EPB41: variants seen among roughly 807,000 people sequenced by gnomAD.
EPB41 encodes the protein erythrocyte membrane protein band 4.1.
In EPB41, 65 loss-of-function variants were observed where a neutral mutation model predicts 108.0. That is an observed-to-expected ratio of 0.60 (90% CI 0.49 to 0.74). EPB41 has a LOEUF of 0.74. Ranked by LOEUF, EPB41 falls within the 30% of genes least tolerant of loss-of-function variation. EPB41 has a pLI of 0.00. For missense variants in EPB41, 875 were observed against 1,037.0 expected (o/e 0.84, Z 2.15); for synonymous variants, 336 against 358.9 (o/e 0.94, Z 0.72).
intron 11 of EPB41, among the ~76,000 whole-genome samples, chr1:29,048,506 C>T (rs1213037841): frequency 2.6e-5 from 4 of 152,218 alleles, no homozygotes; most frequent in South Asian, 2.1e-4. Context: ...CCACCGCGCC[C>T]GGCCTATTAT....
rs781555462 is a variant in EPB41 at position 29,018,508 on chromosome 1, T to C, written c.1124+66T>C. 2 of 1,468,432 alleles carry C rather than the reference T, an allele frequency of 1.4e-6. No individual in the cohort carries two copies. Among genetic ancestry groups the C allele is most frequent in the Non-Finnish European group, 1.9e-6 (2 of 1,049,158 alleles). The allele number at this position is 1,468,432 out of a possible 1,614,324, so 91.0% of individuals were successfully genotyped here. Reference sequence around the variant, plus strand: ...GATTAGTTTAAACACAACATGGTATTGGTTCATTGTTTGCCTAAGAGGGAT... The same window carrying C: ...GATTAGTTTAAACACAACATGGTATCGGTTCATTGTTTGCCTAAGAGGGAT... On this transcript the variant is annotated intron_variant, in intron 7 of 20. Transcript: ENST00000343067. The surrounding 1 kb of genome is among the most constrained non-coding windows in gnomAD (Gnocchi z 4.4).
intron 7 of EPB41, among the ~76,000 whole-genome samples, chr1:29,019,587 C>T (rs1363348337): frequency 6.6e-6 from 1 of 152,148 alleles, no homozygotes; most frequent in Non-Finnish European, 1.5e-5. Flanking sequence ...CCCTAAGTTA[C>T]GTTAGCATGA....
chr1:28,922,626 ATTT>A (rs11353802), intron 1 of EPB41, among the ~76,000 whole-genome samples: 4 of 127,264 alleles, frequency 3.1e-5, no homozygotes, highest in Non-Finnish European at 3.2e-5. Context: ...TAGAGACAGG[ATTT>A]TTTTTTTTTT....
At chr1:29,087,728 G>A (rs552194838) in intron 16 of EPB41, among the ~76,000 whole-genome samples, 1 of 152,210 alleles carries the variant, frequency 6.6e-6, no homozygotes, top group South Asian at 2.1e-4. Context: ...ACTCATAAAG[G>A]CATATATATA....
At chr1:28,900,531 GC>G in intron 1 of EPB41, among the ~76,000 whole-genome samples, 1 of 151,932 alleles carries the variant, frequency 6.6e-6, no homozygotes, top group South Asian at 2.1e-4. Flanking sequence ...CAAGTGATCT[GC>G]CCCTCTCAGC....
At chr1:29,013,743 G>A (rs182607013) in intron 5 of EPB41, among the ~76,000 whole-genome samples, 1 of 151,656 alleles carries the variant, frequency 6.6e-6, no homozygotes, top group East Asian at 2.0e-4. Context: ...TGGCCAGGAT[G>A]GTTTGGAACC....
At chr1:29,087,915 G>A (rs1377810531) in intron 16 of EPB41, among the ~76,000 whole-genome samples, 1 of 151,584 alleles carries the variant, frequency 6.6e-6, no homozygotes, top group Non-Finnish European at 1.5e-5. Context: ...TAATGTTTCT[G>A]TTCAGTTAAA....
At chr1:29,095,524 A>G (rs976308690) in intron 16 of EPB41, among the ~76,000 whole-genome samples, 3 of 152,180 alleles carry the variant, frequency 2.0e-5, no homozygotes, top group African/African-American at 2.4e-5. Flanking sequence ...TAATCCCAGC[A>G]CTGTGGGAGG....
At position 29,023,474 on chromosome 1, in the gene EPB41, G is replaced by A. The variant is rs150329081; in HGVS notation, c.1124+5032G>A. 4.4e-3 allele frequency among the ~76,000 whole-genome samples: 667 copies of A among 151,540 alleles called. 11 individuals carry two copies. The highest frequency in any genetic ancestry group is 0.015 in the African/African-American group (634 of 41,150). On this transcript the variant is annotated intron_variant, in intron 7 of 20. Transcript: ENST00000343067. ...GGGCCAAGGCAGCCAGATCACCTGAGGTCGGGAGTTCAAGACCAGCCTGAC... is the reference window on the plus strand; with the variant it reads ...GGGCCAAGGCAGCCAGATCACCTGAAGTCGGGAGTTCAAGACCAGCCTGAC...
intron 1 of EPB41, among the ~76,000 whole-genome samples, chr1:28,980,124 G>A (rs1323930580): frequency 6.6e-6 from 1 of 152,108 alleles, no homozygotes; most frequent in African/African-American, 2.4e-5. Context: ...CTTGAGCCTA[G>A]GAGTTCGAGA....
At chr1:28,900,984 C>T (rs1011553591) in intron 1 of EPB41, among the ~76,000 whole-genome samples, 1 of 152,126 alleles carries the variant, frequency 6.6e-6, no homozygotes, top group Admixed American at 6.6e-5. Flanking sequence ...GGCTGGAGTG[C>T]AGTGGCGAGA....
At chr1:29,002,122 C>T (rs983449199) in intron 4 of EPB41, among the ~76,000 whole-genome samples, 1 of 152,088 alleles carries the variant, frequency 6.6e-6, no homozygotes, top group Non-Finnish European at 1.5e-5. Flanking sequence ...TCATGCTTGA[C>T]ATGTAGTAAG....
At position 29,053,268 on chromosome 1, in the gene EPB41, G is replaced by C. The variant is rs371082716; in HGVS notation, c.1801G>C (p.Glu601Gln). ...TVKAEVKKEDEPPEQAEPEPT... is the reference protein window; with the variant it reads ...TVKAEVKKEDQPPEQAEPEPT... ...GAAGGCTGAAGTGAAAAAGGAAGAC[G>C]AGCCACCTGAGCAAGCTGAGCCAGA... The change falls in exon 12 of 21, where the codon GAG becomes CAG. Residue 601 changes from glutamate to glutamine, a missense_variant. Glu to Gln is a conservative substitution (Grantham distance 29). Transcript: ENST00000343067. 1 of 1,614,158 alleles carries C rather than the reference G, an allele frequency of 6.2e-7. No individual in the cohort carries two copies. Among genetic ancestry groups the C allele is most frequent in the Non-Finnish European group, 8.5e-7 (1 of 1,180,032 alleles).
intron 1 of EPB41, among the ~76,000 whole-genome samples, chr1:28,897,926 GC>G (rs58092481): frequency 0.011 from 1,619 of 152,212 alleles, 26 homozygotes; most frequent in African/African-American, 0.037. Flanking sequence ...TGCAGAGTGA[GC>G]CCAGGGGAGC....
chr1:29,110,604 G>A (rs1278825719), intron 18 of EPB41, among the ~76,000 whole-genome samples: 1 of 152,178 alleles, frequency 6.6e-6, no homozygotes, highest in Non-Finnish European at 1.5e-5. Flanking sequence ...GGCAATCGAT[G>A]TTTGCTGTAA....
At chr1:28,910,003 C>A (rs1002322292), upstream of EPB41, among the ~76,000 whole-genome samples, 8 of 151,694 alleles carry the variant, frequency 5.3e-5, no homozygotes, top group African/African-American at 1.9e-4. Flanking sequence ...GATCACATCA[C>A]TTGAGCCCAG....
At chr1:28,982,325 A>T (rs996759780) in intron 1 of EPB41, 13 of 634,210 alleles carry the variant, frequency 2.0e-5, no homozygotes, top group Admixed American at 3.8e-5. Context: ...CCTGTCTTTT[A>T]TCTCTTTTCA....
intron 15 of EPB41, among the ~76,000 whole-genome samples, chr1:29,062,690 T>C (rs1243639890): frequency 5.3e-5 from 8 of 149,580 alleles, no homozygotes; most frequent in African/African-American, 2.0e-4. Context: ...CCCCTTCTCC[T>C]ACCCCGCCCC....
At position 29,095,776 on chromosome 1, in the gene EPB41, A is replaced by G. The variant is rs1007030599; in HGVS notation, c.2185-2031A>G. Among the ~76,000 whole-genome samples, 20 of 152,136 alleles carry G rather than the reference A, an allele frequency of 1.3e-4. 1 individual carries two copies. The highest frequency in any genetic ancestry group is 4.8e-4 in the African/African-American group (20 of 41,414). On this transcript the variant is annotated intron_variant, in intron 16 of 20. Coordinates refer to ENST00000343067, the MANE Select transcript of EPB41 (RefSeq NM_001376013.1). ...GACAGAGTGAGACCCTGTCTCAAAA[A>G]AAAAAAAAGAATATATTTTGATTGA... is the stretch of plus-strand genomic sequence containing the variant.
Sources: allele counts gnomAD v4.1 joint callset (sites outside exome capture counted in the v4.1 genomes callset), GRCh38; gene constraint gnomAD v4.1.1; non-coding constraint Gnocchi (gnomAD v3.1); transcripts MANE v1.5; gene names NCBI Gene and HGNC (gene_info 2026-07-23, HGNC 2026-07-21).